DOCK4: variants seen among roughly 807,000 people sequenced by gnomAD.
The protein encoded by DOCK4 is dedicator of cytokinesis 4, also known as dedicator of cytokinesis protein 4.
In DOCK4, 97 loss-of-function variants were observed where a neutral mutation model predicts 268.1. The observed-to-expected ratio is 0.36, with a 90% confidence interval of 0.31 to 0.43. The LOEUF (loss-of-function observed/expected upper bound fraction) is 0.43, where lower values mean the gene tolerates loss of function less well. Ranked by LOEUF, DOCK4 falls within the 20% of genes least tolerant of loss-of-function variation. The pLI is 1.00. For synonymous variants in DOCK4, 954 were observed against 887.2 expected (o/e 1.08, Z -1.34); for missense variants, 2,145 against 2,455.7 (o/e 0.87, Z 2.67).
intron 36 of DOCK4, among the ~76,000 whole-genome samples, chr7:111,771,436 G>A (rs991966394): frequency 6.6e-6 from 1 of 152,144 alleles, no homozygotes; most frequent in African/African-American, 2.4e-5. Flanking sequence ...ACTCTTGCTG[G>A]TCTCTTTCTT....
At position 112,023,373 on chromosome 7, in the gene DOCK4, C is replaced by T. The variant is rs11983482; in HGVS notation, c.38-19242G>A. On this transcript the variant is annotated intron_variant, in intron 1 of 52. Transcript: ENST00000428084. ...TAATGCAGAGAGCTTTGGCAAAAGC[C>T]TCTGTTTCCCCCTTAAGATTTGGTG... The T allele has an allele frequency of 4.0e-3, 885 of 220,624 alleles. 8 individuals are homozygous for T. Among genetic ancestry groups the T allele is most frequent in the African/African-American group, 0.018 (794 of 43,572 alleles). 13.7% of individuals were successfully genotyped at this position (220,624 alleles called of 1,614,324 possible). A position where few individuals can be genotyped will look rare whatever the true frequency, so the allele number is the denominator to read the frequency against.
intron 13 of DOCK4, among the ~76,000 whole-genome samples, chr7:111,905,238 G>C (rs1257156092): frequency 6.6e-6 from 1 of 152,210 alleles, no homozygotes; most frequent in Non-Finnish European, 1.5e-5. Context: ...GGGTAATTAA[G>C]AGAGAAACCA....
intron 2 of DOCK4, among the ~76,000 whole-genome samples, 159 bp downstream of exon 2, chr7:112,003,888 CT>C (rs1243577225): frequency 6.6e-6 from 1 of 152,186 alleles, no homozygotes; most frequent in Non-Finnish European, 1.5e-5. Context: ...GAAATGATGC[CT>C]TTCCATTAGC....
At chr7:112,006,292 G>A (rs996615092) in intron 1 of DOCK4, among the ~76,000 whole-genome samples, 8 of 152,150 alleles carry the variant, frequency 5.3e-5, no homozygotes, top group African/African-American at 1.9e-4. Context: ...GTGAATGAGG[G>A]TATGGTTTAA....
chr7:112,025,185 T>G (rs1343637289), intron 1 of DOCK4, among the ~76,000 whole-genome samples: 1 of 151,092 alleles, frequency 6.6e-6, no homozygotes, highest in Non-Finnish European at 1.5e-5. Flanking sequence ...GCCGGCACCA[T>G]GCTGGGTGCT....
chr7:111,783,004 AAG>A, intron 34 of DOCK4, 80 bp from the exon 35 acceptor site: 1 of 1,176,572 alleles, frequency 8.5e-7, no homozygotes, highest in South Asian at 1.4e-5. Context: ...GGGGGAAAAA[AAG>A]AAAGAAAGAA....
rs944729032 is a variant in DOCK4 at position 112,074,386 on chromosome 7, T to C, written c.38-70255A>G. The stretch of plus-strand genomic sequence containing the variant: ...CACAACTCCTATATCAAGGGGCTCA[T>C]AGCCAAACAGGAAGAAGGCATTTAT... On this transcript the variant is annotated intron_variant, in intron 1 of 52. Transcript: ENST00000428084. 6.6e-5 allele frequency among the ~76,000 whole-genome samples: 10 copies of C among 152,198 alleles called. No homozygotes were observed. In the East Asian group the frequency reaches 1.9e-3, roughly 29 times the overall value.
intron 1 of DOCK4, among the ~76,000 whole-genome samples, chr7:112,035,844 G>A (rs996933655): frequency 1.3e-5 from 2 of 151,988 alleles, no homozygotes; most frequent in Admixed American, 1.3e-4. Context: ...GACCAAAAGG[G>A]CATTCCTACA....
intron 8 of DOCK4, among the ~76,000 whole-genome samples, chr7:111,961,449 G>A (rs1241722749): frequency 6.6e-6 from 1 of 152,212 alleles, no homozygotes; most frequent in Non-Finnish European, 1.5e-5. Flanking sequence ...GAATGAACTA[G>A]TGAATGGGTA....
At chr7:111,852,291 C>A (rs1804638774) in intron 23 of DOCK4, among the ~76,000 whole-genome samples, 1 of 152,048 alleles carries the variant, frequency 6.6e-6, no homozygotes, top group Non-Finnish European at 1.5e-5. Context: ...TTGATGCCTG[C>A]CACTGGGTTA....
chr7:112,083,299 T>G (rs1808766658), intron 1 of DOCK4, among the ~76,000 whole-genome samples: 1 of 152,102 alleles, frequency 6.6e-6, no homozygotes, highest in South Asian at 2.1e-4. Flanking sequence ...ACATCTATCA[T>G]CTCCATTGGT....
chr7:111,794,039 A>T (rs1213453534), intron 30 of DOCK4, among the ~76,000 whole-genome samples: 5 of 152,112 alleles, frequency 3.3e-5, no homozygotes, highest in African/African-American at 1.2e-4. Context: ...TATTTTGTAT[A>T]AAAATAACTG....
intron 16 of DOCK4, among the ~76,000 whole-genome samples, chr7:111,882,540 T>C (rs1006396433): frequency 1.3e-5 from 2 of 152,242 alleles, no homozygotes; most frequent in African/African-American, 4.8e-5. Context: ...TCAAGGCTAC[T>C]GCCCTAGTAA....
chr7:111,828,759 A>G (rs1455398329), intron 26 of DOCK4, among the ~76,000 whole-genome samples: 1 of 152,060 alleles, frequency 6.6e-6, no homozygotes, highest in Non-Finnish European at 1.5e-5. Context: ...TAAATTATGT[A>G]GCATCCATAT....
chr7:111,793,230 G>A (rs780325110), intron 30 of DOCK4, among the ~76,000 whole-genome samples: 16 of 152,146 alleles, frequency 1.1e-4, no homozygotes, highest in Non-Finnish European at 1.8e-4. Context: ...AGATTTGAAG[G>A]GCCATGTTGC....
chr7:111,810,280 C>T (rs767754967), intron 28 of DOCK4, among the ~76,000 whole-genome samples: 29 of 151,812 alleles, frequency 1.9e-4, no homozygotes, highest in Admixed American at 3.3e-4. Context: ...GGTGAAACCC[C>T]GTCTATCCTA....
chr7:112,070,042 T>C (rs1807446113), intron 1 of DOCK4, among the ~76,000 whole-genome samples: 1 of 152,098 alleles, frequency 6.6e-6, no homozygotes, highest in Non-Finnish European at 1.5e-5. Context: ...CATTGAAGGA[T>C]TTGGAGCAGT....
chr7:111,961,861 A>G (rs1796926242), intron 8 of DOCK4, among the ~76,000 whole-genome samples: 1 of 152,144 alleles, frequency 6.6e-6, no homozygotes, highest in South Asian at 2.1e-4. Flanking sequence ...AACCAATCCA[A>G]TGTTCTTTAA....
chr7:111,739,951 T>A, intron 47 of DOCK4: 1 of 316,726 alleles, frequency 3.2e-6, no homozygotes, highest in South Asian at 2.4e-5. Context: ...ATATTAGTAG[T>A]GTTTAAATAA....
Sources: allele counts gnomAD v4.1 joint callset (sites outside exome capture counted in the v4.1 genomes callset), GRCh38; gene constraint gnomAD v4.1.1; transcripts MANE v1.5; gene names NCBI Gene and HGNC (gene_info 2026-07-23, HGNC 2026-07-21).